PSEN1: variants seen among roughly 807,000 people sequenced by gnomAD.
PSEN1 encodes the protein presenilin-1.
Under a neutral mutation model 53.5 loss-of-function variants are expected in PSEN1, and 15 were observed. The ratio of observed to expected loss-of-function variants is 0.28; its 90% confidence interval spans 0.19 to 0.43. The LOEUF is 0.43. PSEN1 is among the 20% of genes least tolerant of loss of function. The pLI is 1.00. For synonymous variants in PSEN1, 208 were observed against 209.8 expected (o/e 0.99, Z 0.08); for missense variants, 387 against 571.2 (o/e 0.68, Z 3.29).
intron 3 of PSEN1, among the ~76,000 whole-genome samples, chr14:73,166,345 T>C (rs1163613719): frequency 6.6e-6 from 1 of 152,228 alleles, no homozygotes; most frequent in Non-Finnish European, 1.5e-5. Context: ...AAAACAAGTT[T>C]TGAGGCAAGA....
chr14:73,193,039 G>A (rs562584657), intron 7 of PSEN1, among the ~76,000 whole-genome samples, 175 bp downstream of exon 7: 1 of 152,240 alleles, frequency 6.6e-6, no homozygotes, highest in South Asian at 2.1e-4. Flanking sequence ...GGCTGGGCAT[G>A]GTAGCTCATG....
intron 1 of PSEN1, among the ~76,000 whole-genome samples, chr14:73,138,578 C>G (rs1473778167): frequency 6.6e-6 from 1 of 151,704 alleles, no homozygotes; most frequent in Non-Finnish European, 1.5e-5. Context: ...GTCTTGAACT[C>G]CTGGAGTCAA....
At chr14:73,168,695 A>G (rs944731281) in intron 3 of PSEN1, 2 of 152,346 alleles carry the variant, frequency 1.3e-5, no homozygotes, top group African/African-American at 2.4e-5. Flanking sequence ...GTGCAATACA[A>G]TCTTCTGCAT....
At chr14:73,198,624 AG>A in intron 8 of PSEN1, among the ~76,000 whole-genome samples, 1 of 152,198 alleles carries the variant, frequency 6.6e-6, no homozygotes. Flanking sequence ...CTAGGTGGAA[AG>A]TAATGGGGGT....
intron 7 of PSEN1, 79 bp from the exon 8 acceptor site, chr14:73,197,952 G>T: frequency 3.8e-6 from 3 of 786,092 alleles, no homozygotes; most frequent in Admixed American, 4.1e-5. Flanking sequence ...TTTTTCCTTC[G>T]TTAATTCCTC....
intron 1 of PSEN1, among the ~76,000 whole-genome samples, chr14:73,138,336 A>G (rs1896807513): frequency 6.6e-6 from 1 of 151,364 alleles, no homozygotes; most frequent in Non-Finnish European, 1.5e-5. Flanking sequence ...CTCCTGCCTC[A>G]TCCTCCCCAG....
chr14:73,217,055 G>A, intron 10 of PSEN1, 71 bp from the exon 11 acceptor site: 1 of 1,505,068 alleles, frequency 6.6e-7, no homozygotes, highest in East Asian at 2.3e-5. Context: ...GTAGGGCAGT[G>A]ATATTTTTGA....
chr14:73,156,541 G>A (rs1384731967), intron 3 of PSEN1, among the ~76,000 whole-genome samples: 2 of 152,024 alleles, frequency 1.3e-5, no homozygotes, highest in East Asian at 1.9e-4. Context: ...CAAAGTGAGC[G>A]GGGGAGTAGA....
intron 6 of PSEN1, 104 bp downstream of exon 6, chr14:73,187,024 T>C (rs1898544232): frequency 1.0e-6 from 1 of 966,288 alleles, no homozygotes; most frequent in South Asian, 1.3e-5. Flanking sequence ...CTCTGAAGTT[T>C]TAATTGTTTC....
intron 7 of PSEN1, among the ~76,000 whole-genome samples, chr14:73,196,879 AGT>A (rs1464935770): frequency 1.3e-5 from 2 of 151,200 alleles, no homozygotes; most frequent in Non-Finnish European, 3.0e-5. Flanking sequence ...TATATTTTTC[AGT>A]GTTTAAAATT....
intron 8 of PSEN1, among the ~76,000 whole-genome samples, chr14:73,203,696 T>C (rs1034772868): frequency 5.9e-5 from 9 of 152,244 alleles, no homozygotes; most frequent in African/African-American, 2.2e-4. Flanking sequence ...AGAAAAAATA[T>C]ACACCTACTC....
intron 8 of PSEN1, among the ~76,000 whole-genome samples, chr14:73,202,462 ATTTTTTTTT>A (rs1166113102): frequency 8.7e-5 from 1 of 11,532 alleles, no homozygotes; most frequent in African/African-American, 4.3e-4. Context: ...ATATATATAT[ATTTTTTTTT>A]TTTTTTTTTT....
intron 7 of PSEN1, among the ~76,000 whole-genome samples, chr14:73,197,057 C>G (rs139255158): frequency 6.6e-6 from 1 of 151,504 alleles, no homozygotes; most frequent in African/African-American, 2.4e-5. Context: ...CTCAGCCTCC[C>G]GAGTAGCTGG....
chr14:73,169,132 C>A (rs1274209977), intron 3 of PSEN1: 1 of 152,192 alleles, frequency 6.6e-6, no homozygotes, highest in African/African-American at 2.4e-5. Context: ...GATGAACTTC[C>A]CATTGTCAAT....
At chr14:73,176,724 A>G (rs556049537) in intron 5 of PSEN1, among the ~76,000 whole-genome samples, 2 of 152,290 alleles carry the variant, frequency 1.3e-5, no homozygotes, top group South Asian at 2.1e-4. Flanking sequence ...GTTTTAATTA[A>G]ACACTAGTTC....
chr14:73,186,920 G>C lies in PSEN1; in HGVS notation c.548G>C (p.Gly183Ala), dbSNP rs63751068. The C allele has an allele frequency of 1.2e-6, 2 of 1,611,802 alleles. No homozygotes were observed. The highest frequency in any genetic ancestry group is 2.7e-5 in the African/African-American group (2 of 74,794). Residue 183 changes from glycine (G) to alanine (A), a missense_variant and splice_region_variant, in exon 6 of 12, where the codon GGG (glycine) becomes GCG (alanine). Physicochemically the swap from Gly to Ala is moderately conservative, Grantham distance 60. This residue lies in a region of PSEN1 where 169 missense variants were observed against 299.7 expected (regional missense o/e 0.56). Coordinates refer to ENST00000324501, the MANE Select transcript of PSEN1 (RefSeq NM_000021.4). The part of the protein sequence containing the change: ...LLFFFSFIYL[G>A]EVFKTYNVAV... ...TTCTTTTTTTCATTCATTTACTTGG[G>C]GTAAGTTGTGAAATTTTTGGTCTGT...
chr14:73,186,502 C>T (rs991113130), intron 5 of PSEN1, among the ~76,000 whole-genome samples: 35 of 152,046 alleles, frequency 2.3e-4, no homozygotes, highest in African/African-American at 8.0e-4. Flanking sequence ...GTGGGCCGGG[C>T]ATAGTGGTGC....
intron 1 of PSEN1, chr14:73,139,289 A>T (rs527611632): frequency 3.1e-4 from 47 of 149,720 alleles, no homozygotes; most frequent in East Asian, 1.2e-3. Context: ...TTTTTTTTTT[A>T]AAAAAAGGCT....
chr14:73,192,493 A>G (rs1898761437), intron 6 of PSEN1, 151 bp from the exon 7 acceptor site: 2 of 663,460 alleles, frequency 3.0e-6, no homozygotes, highest in East Asian at 2.7e-5. Flanking sequence ...GGGAAGTATT[A>G]AATAAATAAT....
Sources: gnomAD v4.1 joint callset for allele counts (sites outside exome capture counted in the v4.1 genomes callset) on GRCh38, gnomAD v4.1.1 for gene constraint, gnomAD v4.1.1 regional missense constraint, MANE v1.5 for transcripts, NCBI Gene and HGNC (gene_info 2026-07-23, HGNC 2026-07-21) for gene names.